The following DLC1 variants were observed in gnomAD, a reference collection of about 807,000 sequenced individuals.
DLC1 encodes the protein DLC1 Rho GTPase activating protein.
DLC1 carries 54 observed loss-of-function variants against 140.3 expected under a neutral mutation model. That is an observed-to-expected ratio of 0.38 (90% CI 0.31 to 0.48). DLC1 has a LOEUF of 0.48. DLC1 is among the 20% of genes least tolerant of loss of function. The pLI is 0.96. For missense variants in DLC1, 2,536 were observed against 1,907.0 expected (o/e 1.33, Z -6.14); for synonymous variants, 986 against 728.1 (o/e 1.35, Z -5.70).
Position 13,256,854 on chromosome 8 carries a change from A to G in DLC1, c.1348+48415T>C, listed in dbSNP as rs573001455. ...TGTATACCTATGTAACAAACCTGTA[A>G]GTTCTGCACATGTATCCCAGAACTT... On this transcript the variant is annotated intron_variant, in intron 5 of 17. Transcript: ENST00000276297. Among the ~76,000 whole-genome samples the G allele has an allele frequency of 4.7e-5, 7 of 150,124 alleles. No individual in the cohort carries two copies. In the East Asian group the frequency reaches 1.4e-3, roughly 30 times the overall value.
At chr8:13,445,177 T>C (rs1399429484) in intron 2 of DLC1, among the ~76,000 whole-genome samples, 1 of 152,044 alleles carries the variant, frequency 6.6e-6, no homozygotes, top group Non-Finnish European at 1.5e-5. Flanking sequence ...AAAAAGTTTA[T>C]GGTTTTATGG....
intron 4 of DLC1, among the ~76,000 whole-genome samples, chr8:13,382,535 AAGAG>A (rs1245818081): frequency 2.0e-5 from 3 of 146,758 alleles, no homozygotes; most frequent in Admixed American, 6.8e-5. Flanking sequence ...AAAAAAAAGA[AAGAG>A]GAGACAGATA....
rs1234924468 is a variant in DLC1 at position 13,100,499 on chromosome 8, G to C, written c.1838C>G (p.Ala613Gly). The C allele has an allele frequency of 6.2e-7, 1 of 1,612,542 alleles. No homozygotes were observed. The highest frequency in any genetic ancestry group is 8.5e-7 in the Non-Finnish European group (1 of 1,179,946). ...LPSHAPPSED[A>G]ATPRTNSVIS... ...GACGGAGTTAGTCCGGGGGGTGGCA[G>C]CATCCTCGCTGGGGGGCGCGTGGCT... Residue 613 changes from alanine (A) to glycine (G), a missense_variant, in exon 9 of 18, where the codon GCT (alanine) becomes GGT (glycine). Physicochemically the swap from Ala to Gly is moderately conservative, Grantham distance 60. Coordinates refer to ENST00000276297, the MANE Select transcript of DLC1 (RefSeq NM_182643.3).
At chr8:13,312,090 G>A (rs528505587) in intron 4 of DLC1, among the ~76,000 whole-genome samples, 2 of 130,482 alleles carry the variant, frequency 1.5e-5, no homozygotes, top group Admixed American at 7.8e-5. Context: ...GGCCGGGCGC[G>A]GTGGCTCACG....
intron 1 of DLC1, chr8:13,567,927 G>A: frequency 6.5e-7 from 1 of 1,549,310 alleles, no homozygotes; most frequent in East Asian, 2.4e-5. Context: ...AACCAGAGCT[G>A]GTGATTGTTA....
chr8:13,089,259 A>G (rs534003775), intron 15 of DLC1, among the ~76,000 whole-genome samples: 1 of 131,790 alleles, frequency 7.6e-6, no homozygotes, highest in Non-Finnish European at 1.6e-5. Flanking sequence ...CTCCATCTCA[A>G]AAGAAAAAAG....
chr8:13,261,120 G>A (rs1281675216), intron 5 of DLC1, among the ~76,000 whole-genome samples: 1 of 152,154 alleles, frequency 6.6e-6, no homozygotes, highest in East Asian at 1.9e-4. Context: ...ATTCTGAAAG[G>A]ACAGAGAGAC....
At chr8:13,567,820 G>T (rs1039737134) in intron 1 of DLC1, 1 of 1,551,818 alleles carries the variant, frequency 6.4e-7, no homozygotes. Context: ...CTCTGGTTTT[G>T]AAAGATCAGA....
intron 3 of DLC1, among the ~76,000 whole-genome samples, chr8:13,398,264 A>G (rs9792152): frequency 0.25 from 35,868 of 144,322 alleles, 4,851 homozygotes; most frequent in Admixed American, 0.32. Flanking sequence ...AAAGAGAGTC[A>G]AGAGGAAAAA....
intron 4 of DLC1, among the ~76,000 whole-genome samples, chr8:13,372,071 T>C (rs1399718715): frequency 6.6e-5 from 10 of 152,128 alleles, no homozygotes. Context: ...GACTTGCAAA[T>C]TGAGATTTTG....
At chr8:13,344,530 A>G (rs1347821634) in intron 4 of DLC1, among the ~76,000 whole-genome samples, 4 of 152,220 alleles carry the variant, frequency 2.6e-5, no homozygotes, top group Non-Finnish European at 5.9e-5. Flanking sequence ...TTCAATCTAC[A>G]GGGAAAGTTC....
chr8:13,581,643 C>T (rs1805103430), intron 1 of DLC1, among the ~76,000 whole-genome samples: 1 of 152,208 alleles, frequency 6.6e-6, no homozygotes, highest in Non-Finnish European at 1.5e-5. Context: ...TTTCCTGCTT[C>T]TGTTCATCAC....
chr8:13,523,771 A>G (rs1049496824), intron 1 of DLC1, among the ~76,000 whole-genome samples: 3 of 152,200 alleles, frequency 2.0e-5, no homozygotes, highest in Non-Finnish European at 4.4e-5. Flanking sequence ...GAGAGAAAAT[A>G]CATGGCATGG....
intron 5 of DLC1, among the ~76,000 whole-genome samples, chr8:13,249,850 T>G (rs972325477): frequency 6.6e-6 from 1 of 152,210 alleles, no homozygotes; most frequent in Non-Finnish European, 1.5e-5. Flanking sequence ...AATGTCTCCA[T>G]GTGACAAGTC....
Position 13,453,424 on chromosome 8 carries a change from G to GTGTATATATATATATATATA in DLC1, c.1023+45624_1023+45625insTATATATATATATATATACA, listed in dbSNP as rs1563359808. 6.1e-3 allele frequency among the ~76,000 whole-genome samples: 342 copies of GTGTATATATATATATATATA among 56,486 alleles called. 12 individuals carry two copies. Among genetic ancestry groups the GTGTATATATATATATATATA allele is most frequent in the Non-Finnish European group, 5.6e-3 (218 of 39,008 alleles). The allele number at this position is 56,486 out of a possible 152,430, so 37.1% of individuals were successfully genotyped here. A position where few individuals can be genotyped will look rare whatever the true frequency, so the allele number is the denominator to read the frequency against. Reference sequence around the variant, plus strand: ...TATGTGTATATATATATATATATATGTGTATATATATATGTATATATATAC... The same window carrying GTGTATATATATATATATATA: ...TATGTGTATATATATATATATATATGTGTATATATATATATATATATGTATATATATATGTATATATATAC... On this transcript the variant is annotated intron_variant, in intron 2 of 17. Coordinates refer to ENST00000276297, the MANE Select transcript of DLC1 (RefSeq NM_182643.3).
chr8:13,424,993 C>A (rs1838491318), intron 2 of DLC1, among the ~76,000 whole-genome samples: 1 of 151,912 alleles, frequency 6.6e-6, no homozygotes, highest in African/African-American at 2.4e-5. Flanking sequence ...TAAATATTGA[C>A]AGGAAGTAAG....
upstream of DLC1, among the ~76,000 whole-genome samples, chr8:13,516,644 A>T (rs1802597248): frequency 6.6e-6 from 1 of 152,196 alleles, no homozygotes; most frequent in African/African-American, 2.4e-5. Context: ...GTTTAGATCA[A>T]AGTCTTATTG....
chr8:13,474,213 G>A (rs1585169548), intron 2 of DLC1, among the ~76,000 whole-genome samples: 1 of 152,148 alleles, frequency 6.6e-6, no homozygotes, highest in East Asian at 1.9e-4. Flanking sequence ...ATGAATAAGA[G>A]GAGCCAAGGT....
chr8:13,356,728 C>T (rs7840198), intron 4 of DLC1, among the ~76,000 whole-genome samples: 1 of 152,116 alleles, frequency 6.6e-6, no homozygotes, highest in East Asian at 1.9e-4. Context: ...TTCCAAATTT[C>T]ATTTCTGAAA....
Sources: allele counts gnomAD v4.1 joint callset (sites outside exome capture counted in the v4.1 genomes callset), GRCh38; gene constraint gnomAD v4.1.1; transcripts MANE v1.5; gene names NCBI Gene and HGNC (gene_info 2026-07-23, HGNC 2026-07-21).